The following KCTD8 variants were observed in gnomAD, a reference collection of about 807,000 sequenced individuals.
KCTD8 encodes the protein potassium channel tetramerization domain containing 8, also known as BTB/POZ domain-containing protein KCTD8.
KCTD8 carries 27 observed loss-of-function variants against 31.5 expected under a neutral mutation model. The ratio of observed to expected loss-of-function variants is 0.86; its 90% CI spans 0.63 to 1.18. The LOEUF (loss-of-function observed/expected upper bound fraction) is 1.18, where lower values mean the gene tolerates loss of function less well. KCTD8 is among the 50% of genes most tolerant of loss of function. The pLI, the probability that KCTD8 is intolerant of heterozygous loss-of-function variation, is 0.00. For missense variants in KCTD8, 658 were observed against 647.7 expected (o/e 1.02, Z -0.17); for synonymous variants, 290 against 280.0 (o/e 1.04, Z -0.36).
chr4:44,254,004 G>A (rs958458004), intron 1 of KCTD8, among the ~76,000 whole-genome samples: 1 of 151,752 alleles, frequency 6.6e-6, no homozygotes, highest in Admixed American at 6.6e-5. Flanking sequence ...CAGTAAAAAA[G>A]GCAACCTGTG....
chr4:44,345,932 CA>C lies in KCTD8; in HGVS notation c.961+101630del, dbSNP rs200021082. Among the ~76,000 whole-genome samples the C allele has an allele frequency of 1.7e-3, 256 of 148,934 alleles. 2 individuals carry two copies. The highest frequency in any genetic ancestry group is 6.0e-3 in the African/African-American group (246 of 40,662). ...ATAGAAAAGGCTGCACTCTGGGAAACAAAAAAAAACCACATACAATGAAAGA... is the reference window on the plus strand; with the variant it reads ...ATAGAAAAGGCTGCACTCTGGGAAACAAAAAAAACCACATACAATGAAAGA... On this transcript the variant is annotated intron_variant, in intron 1 of 1. Coordinates refer to ENST00000360029, the MANE Select transcript of KCTD8 (RefSeq NM_198353.3).
intron 1 of KCTD8, among the ~76,000 whole-genome samples, chr4:44,379,547 T>C (rs1720006368): frequency 6.6e-6 from 1 of 152,114 alleles, no homozygotes; most frequent in South Asian, 2.1e-4. Context: ...CTAAAACCAT[T>C]GCAGGTGTGT....
At chr4:44,415,066 G>A (rs1362792430) in intron 1 of KCTD8, among the ~76,000 whole-genome samples, 1 of 152,150 alleles carries the variant, frequency 6.6e-6, no homozygotes, top group Non-Finnish European at 1.5e-5. Context: ...AGACAGAAAT[G>A]AGAAAGTTAT....
At position 44,362,217 on chromosome 4, in the gene KCTD8, C is replaced by T. The variant is rs533611036; in HGVS notation, c.961+85346G>A. On this transcript the variant is annotated intron_variant, in intron 1 of 1. Transcript: ENST00000360029. ...GTAGGTGAGTCAATGCAAGTGTAGG[C>T]AGGTTGTCTGAGACCAAATTTTGGT... Among the ~76,000 whole-genome samples, 3 of 152,238 alleles carry T rather than the reference C, an allele frequency of 2.0e-5. No individual in the cohort carries two copies. In the East Asian group the frequency reaches 5.8e-4, roughly 29 times the overall value.
intron 1 of KCTD8, among the ~76,000 whole-genome samples, chr4:44,354,379 C>G (rs1318737294): frequency 6.6e-6 from 1 of 152,130 alleles, no homozygotes; most frequent in Non-Finnish European, 1.5e-5. Flanking sequence ...GATGACTCTT[C>G]CCTAAATATA....
intron 1 of KCTD8, among the ~76,000 whole-genome samples, chr4:44,382,572 CA>C (rs1038222495): frequency 2.0e-5 from 3 of 151,124 alleles, no homozygotes; most frequent in Non-Finnish European, 4.4e-5. Flanking sequence ...ACTTAAAATA[CA>C]AAAAAAATTA....
At chr4:44,404,404 C>T (rs1720736892) in intron 1 of KCTD8, among the ~76,000 whole-genome samples, 1 of 152,122 alleles carries the variant, frequency 6.6e-6, no homozygotes, top group Non-Finnish European at 1.5e-5. Context: ...AAAATACCAA[C>T]AGGAAAAATT....
intron 1 of KCTD8, among the ~76,000 whole-genome samples, chr4:44,338,028 A>T (rs887502576): frequency 1.3e-5 from 2 of 152,082 alleles, no homozygotes; most frequent in Non-Finnish European, 2.9e-5. Context: ...AATTATCATC[A>T]CAGTCTGTTT....
chr4:44,422,811 C>T lies in KCTD8; in HGVS notation c.961+24752G>A, dbSNP rs145815419. Among the ~76,000 whole-genome samples, 1,229 of 152,092 alleles carry T rather than the reference C, an allele frequency of 8.1e-3. 15 individuals carry two copies. Among genetic ancestry groups the T allele is most frequent in the South Asian group, 0.014 (67 of 4,820 alleles). ...CTATTAGGAAGATTAAATGAAGTAG[C>T]CCAGAAGGCCTAGGATAGTATTTGA... On this transcript the variant is annotated intron_variant, in intron 1 of 1. Transcript: ENST00000360029.
intron 1 of KCTD8, among the ~76,000 whole-genome samples, chr4:44,418,457 G>A (rs1420415219): frequency 6.6e-6 from 1 of 152,132 alleles, no homozygotes; most frequent in African/African-American, 2.4e-5. Context: ...ACTTATCACA[G>A]AGGTTTTTAT....
chr4:44,271,098 A>G (rs1252354608), intron 1 of KCTD8, among the ~76,000 whole-genome samples: 1 of 152,138 alleles, frequency 6.6e-6, no homozygotes, highest in Non-Finnish European at 1.5e-5. Context: ...ATTTGAGGCT[A>G]AAAATCCATG....
chr4:44,314,649 C>CACAA (rs1330216897), intron 1 of KCTD8, among the ~76,000 whole-genome samples: 40 of 152,018 alleles, frequency 2.6e-4, no homozygotes, highest in Admixed American at 1.6e-3. Flanking sequence ...TATAAATATA[C>CACAA]ACATCTATAT....
At chr4:44,208,471 C>T (rs1029662789) in intron 1 of KCTD8, among the ~76,000 whole-genome samples, 2 of 152,194 alleles carry the variant, frequency 1.3e-5, no homozygotes, top group South Asian at 2.1e-4. Flanking sequence ...TTCCGTAACA[C>T]GAAGCATTTC....
rs567939956 is a variant in KCTD8 at position 44,288,231 on chromosome 4, A to C, written c.962-112981T>G. The stretch of plus-strand genomic sequence containing the variant: ...AGAAGAAGTTGAGAAATGGCTGTAG[A>C]GTTCTAATGTGAAGGTATAAATCAA... On this transcript the variant is annotated intron_variant, in intron 1 of 1. Transcript: ENST00000360029. 9.2e-5 allele frequency among the ~76,000 whole-genome samples: 14 copies of C among 152,262 alleles called. No individual in the cohort carries two copies. The East Asian group carries it at 2.7e-3, about 29-fold the overall frequency.
chr4:44,334,086 AAGTTG>A (rs1718655991), intron 1 of KCTD8, among the ~76,000 whole-genome samples: 1 of 152,078 alleles, frequency 6.6e-6, no homozygotes, highest in Non-Finnish European at 1.5e-5. Context: ...AGAATTAATA[AAGTTG>A]AGTTAATAGC....
chr4:44,398,748 A>G (rs973239396), intron 1 of KCTD8, among the ~76,000 whole-genome samples: 1 of 152,174 alleles, frequency 6.6e-6, no homozygotes, highest in African/African-American at 2.4e-5. Context: ...CTCCTGCAGA[A>G]TGAGCCAACT....
intron 1 of KCTD8, among the ~76,000 whole-genome samples, chr4:44,258,295 A>T (rs1716054778): frequency 6.6e-6 from 1 of 152,014 alleles, no homozygotes; most frequent in Non-Finnish European, 1.5e-5. Context: ...TATTTGAAAC[A>T]GATTGTGGTG....
chr4:44,362,016 G>A (rs2109430794), intron 1 of KCTD8, among the ~76,000 whole-genome samples: 1 of 152,244 alleles, frequency 6.6e-6, no homozygotes, highest in East Asian at 1.9e-4. Flanking sequence ...GGAATCAGGG[G>A]ATATGCTGTT....
intron 1 of KCTD8, among the ~76,000 whole-genome samples, chr4:44,257,638 AGAC>A (rs1716026302): frequency 6.6e-6 from 1 of 152,164 alleles, no homozygotes; most frequent in South Asian, 2.1e-4. Context: ...ACTTCTAGTT[AGAC>A]GTCTTTCCAT....
Sources: allele counts gnomAD v4.1 joint callset (sites outside exome capture counted in the v4.1 genomes callset), GRCh38; gene constraint gnomAD v4.1.1; transcripts MANE v1.5; gene names NCBI Gene and HGNC (gene_info 2026-07-23, HGNC 2026-07-21).